Variants in SLK observed in about 807,000 individuals in gnomAD.
SLK encodes STE20 like kinase.
SLK carries 67 observed loss-of-function variants against 147.7 expected under a neutral mutation model. The ratio of observed to expected loss-of-function variants is 0.45; its 90% CI spans 0.37 to 0.56. The LOEUF (loss-of-function observed/expected upper bound fraction) is 0.56, where lower values mean the gene tolerates loss of function less well. Among genes scored for constraint, SLK ranks in the 20% least tolerant of loss-of-function variants. The pLI is 0.00. For synonymous variants in SLK, 441 were observed against 475.0 expected, an observed-to-expected ratio of 0.93 and a Z score of 0.93; for missense variants, 1,136 against 1,438.8, an observed-to-expected ratio of 0.79 and a Z score of 3.41.
In SLK at chr10:103,967,196, A is replaced by AGGC. The variant is rs746734595; in HGVS notation, c.-536_-534dup. 9.5e-4 allele frequency: 145 copies of AGGC among 151,894 alleles called. No homozygotes were observed. The highest frequency in any genetic ancestry group is 1.7e-3 in the Non-Finnish European group (114 of 68,238). 9.4% of individuals were successfully genotyped at this position (151,894 alleles called of 1,614,324 possible). A position where few individuals can be genotyped will look rare whatever the true frequency, so the allele number is the denominator to read the frequency against. On this transcript the variant is annotated 5_prime_UTR_variant, in exon 1 of 19. Coordinates refer to ENST00000369755, the MANE Select transcript of SLK (RefSeq NM_014720.4). ...GGCTGTGTGGGCTGGGGAGGGAGACAGGCGGCGGCGGCGGCGCCCCAGACC... is the reference window on the plus strand; with the variant it reads ...GGCTGTGTGGGCTGGGGAGGGAGACAGGCGGCGGCGGCGGCGGCGCCCCAGACC...
chr10:103,995,109 A>G (rs1176250272), intron 4 of SLK, among the ~76,000 whole-genome samples: 1 of 152,196 alleles, frequency 6.6e-6, no homozygotes, highest in African/African-American at 2.4e-5. Flanking sequence ...TTCATTATAA[A>G]ATTAGTAATG....
intron 9 of SLK, among the ~76,000 whole-genome samples, 176 bp downstream of exon 9, chr10:104,003,703 C>T (rs967886248): frequency 2.0e-4 from 31 of 152,168 alleles, no homozygotes; most frequent in African/African-American, 3.9e-4. Flanking sequence ...TGGATCTAAT[C>T]TTTAAATTTT....
intron 4 of SLK, among the ~76,000 whole-genome samples, chr10:103,997,115 T>G (rs908893211): frequency 1.3e-5 from 2 of 152,128 alleles, no homozygotes; most frequent in Non-Finnish European, 2.9e-5. Context: ...CAACCACCAT[T>G]CTGCTTTCAG....
At chr10:104,021,874 G>A (rs1844539729) in intron 18 of SLK, 141 bp downstream of exon 18, 1 of 557,054 alleles carries the variant, frequency 1.8e-6, no homozygotes, top group Non-Finnish European at 3.2e-6. Flanking sequence ...GTCCCCAGAA[G>A]TTTTGGAATC....
Position 104,025,766 on chromosome 10 carries a change from A to G in SLK, c.*46A>G. Reference sequence around the variant, plus strand: ...GTGGGTTTGGCTCTTTCAGTATGTCATTCTGTTCTCATCTTCTGCCACAGT... The same window carrying G: ...GTGGGTTTGGCTCTTTCAGTATGTCGTTCTGTTCTCATCTTCTGCCACAGT... On this transcript the variant is annotated 3_prime_UTR_variant, in exon 19 of 19. Transcript: ENST00000369755. The G allele has an allele frequency of 6.4e-7, 1 of 1,558,512 alleles. No individual in the cohort carries two copies. The highest frequency in any genetic ancestry group is 8.8e-7 in the Non-Finnish European group (1 of 1,134,930).
chr10:103,984,967 T>C lies in SLK; in HGVS notation c.151-5708T>C, dbSNP rs1843993582. 3.3e-5 allele frequency among the ~76,000 whole-genome samples: 5 copies of C among 152,298 alleles called. No individual in the cohort carries two copies. In the South Asian group the frequency reaches 1.0e-3, roughly 32 times the overall value. On this transcript the variant is annotated intron_variant, in intron 1 of 18. Transcript: ENST00000369755. Reference sequence around the variant, plus strand: ...ATTTGACCAAGATTTTTAATAGATTTTTATGCAGTAGTTCCCCCTTATCCG... The same window carrying C: ...ATTTGACCAAGATTTTTAATAGATTCTTATGCAGTAGTTCCCCCTTATCCG...
At chr10:103,972,444 G>A (rs1170882035) in intron 1 of SLK, among the ~76,000 whole-genome samples, 3 of 152,142 alleles carry the variant, frequency 2.0e-5, no homozygotes, top group Admixed American at 1.3e-4. Context: ...AGGCCGAGGC[G>A]GGCGGATCAC....
intron 13 of SLK, among the ~76,000 whole-genome samples, chr10:104,017,763 A>G (rs867015631): frequency 4.1e-4 from 62 of 152,324 alleles, no homozygotes; most frequent in South Asian, 1.0e-3. Flanking sequence ...TACAGGCATG[A>G]GCCACCACAC....
intron 12 of SLK, among the ~76,000 whole-genome samples, 200 bp downstream of exon 12, chr10:104,008,556 G>A (rs989507310): frequency 6.6e-6 from 1 of 152,130 alleles, no homozygotes; most frequent in South Asian, 2.1e-4. Flanking sequence ...AAGAAAACTG[G>A]AGTAAGAGAG....
intron 5 of SLK, 40 bp from the exon 6 acceptor site, chr10:103,999,079 G>A: frequency 1.3e-6 from 2 of 1,574,494 alleles, no homozygotes; most frequent in South Asian, 1.1e-5. Flanking sequence ...TGCAATCACT[G>A]TTCTTAAACA....
intron 1 of SLK, among the ~76,000 whole-genome samples, chr10:103,982,722 C>T (rs927441921): frequency 3.9e-5 from 6 of 152,158 alleles, no homozygotes; most frequent in Admixed American, 2.6e-4. Context: ...TGTGTGTATG[C>T]GCAAAGCTGC....
Position 104,004,098 on chromosome 10 carries a change from A to AG in SLK, c.2349+572dup, listed in dbSNP as rs1844292924. 2.6e-5 allele frequency among the ~76,000 whole-genome samples: 4 copies of AG among 151,132 alleles called. No individual in the cohort carries two copies. The South Asian group carries it at 8.4e-4, about 32-fold the overall frequency. ...AAGGATCACTATTTGTAAAAAAAAAAGATCCCACAGAGTTCTGATGCAGGT... is the reference window on the plus strand; with the variant it reads ...AAGGATCACTATTTGTAAAAAAAAAAGGATCCCACAGAGTTCTGATGCAGGT... On this transcript the variant is annotated intron_variant, in intron 9 of 18. Coordinates refer to ENST00000369755, the MANE Select transcript of SLK (RefSeq NM_014720.4).
chr10:103,988,218 A>G (rs1339831626), intron 1 of SLK, among the ~76,000 whole-genome samples: 2 of 152,198 alleles, frequency 1.3e-5, no homozygotes, highest in Admixed American at 6.5e-5. Flanking sequence ...GACGTCTTTT[A>G]CAGGAACATT....
At chr10:103,968,510 A>T (rs1442710211) in intron 1 of SLK, among the ~76,000 whole-genome samples, 2 of 152,258 alleles carry the variant, frequency 1.3e-5, no homozygotes, top group African/African-American at 4.8e-5. Context: ...AGTCAGTATC[A>T]GCGCTTAAGC....
At chr10:103,976,715 A>AC (rs1843876287) in intron 1 of SLK, among the ~76,000 whole-genome samples, 1 of 151,924 alleles carries the variant, frequency 6.6e-6, no homozygotes, top group African/African-American at 2.4e-5. Context: ...GCTTTCTGTC[A>AC]CCCCCCGAAA....
intron 12 of SLK, 97 bp from the exon 13 acceptor site, chr10:104,010,719 C>A: frequency 2.8e-6 from 2 of 703,866 alleles, no homozygotes; most frequent in Non-Finnish European, 2.2e-6. Context: ...AACTTTTTAA[C>A]AACTTTAATA....
In SLK at chr10:103,990,883, A is replaced by C. The variant is rs778076564; in HGVS notation, c.315+44A>C. 7.3e-6 allele frequency: 9 copies of C among 1,229,906 alleles called. No homozygotes were observed. The Admixed American group carries it at 1.4e-4, about 20-fold the overall frequency. 76.2% of individuals were successfully genotyped at this position (1,229,906 alleles called of 1,614,324 possible). The stretch of plus-strand genomic sequence containing the variant: ...TCTAAAGGAGTAGCCAAAATGAGTT[A>C]ATTGTCCTAAAGAGATGTTTATGAA... On this transcript the variant is annotated intron_variant, in intron 2 of 18. Coordinates refer to ENST00000369755, the MANE Select transcript of SLK (RefSeq NM_014720.4).
rs568950355 is a variant in SLK, at chr10:104,019,633, T to C, written c.3133-101T>C. 3 of 914,566 alleles carry C rather than the reference T, an allele frequency of 3.3e-6. No homozygotes were observed. In the South Asian group the frequency reaches 4.7e-5, roughly 14 times the overall value. The allele number at this position is 914,566 out of a possible 1,614,324, so 56.7% of individuals were successfully genotyped here. A position where few individuals can be genotyped will look rare whatever the true frequency, so the allele number is the denominator to read the frequency against. On this transcript the variant is annotated intron_variant, in intron 15 of 18. Coordinates refer to ENST00000369755, the MANE Select transcript of SLK (RefSeq NM_014720.4). ...CTGGTCACTGCAACAAGGGAGAGGG[T>C]AATTATAGGAAACAACAATAACAAA...
chr10:104,016,115 A>C (rs181238502), intron 13 of SLK, among the ~76,000 whole-genome samples: 5 of 152,058 alleles, frequency 3.3e-5, no homozygotes, highest in Non-Finnish European at 5.9e-5. Context: ...TCAGGAGATC[A>C]AGACCATCCT....
Sources: gnomAD v4.1 joint callset for allele counts (sites outside exome capture counted in the v4.1 genomes callset) on GRCh38, gnomAD v4.1.1 for gene constraint, MANE v1.5 for transcripts, NCBI Gene and HGNC (gene_info 2026-07-23, HGNC 2026-07-21) for gene names.